The following PHLPP2 variants were observed in gnomAD, a reference collection of about 807,000 sequenced individuals.
The protein encoded by PHLPP2 is PH domain leucine-rich repeat-containing protein phosphatase 2.
PHLPP2 carries 66 observed loss-of-function variants against 124.9 expected under a neutral mutation model. That is an observed-to-expected ratio of 0.53 (90% confidence interval 0.43 to 0.65). PHLPP2 has a LOEUF of 0.65. Among genes scored for constraint, PHLPP2 ranks in the 30% least tolerant of loss-of-function variants. The probability of loss-of-function intolerance (pLI) is 0.00; values close to 1 mark genes in which losing one functional copy is unlikely to be tolerated. For missense variants in PHLPP2, 1,685 were observed against 1,600.4 expected, an observed-to-expected ratio of 1.05 and a Z score of -0.90; for synonymous variants, 681 against 624.7, an observed-to-expected ratio of 1.09 and a Z score of -1.34.
intron 15 of PHLPP2, among the ~76,000 whole-genome samples, chr16:71,658,017 G>C (rs1466510599): frequency 1.3e-5 from 2 of 152,162 alleles, no homozygotes; most frequent in Admixed American, 6.5e-5. Flanking sequence ...CAGTATGTTG[G>C]GGGGTAGTAG....
At chr16:71,656,913 C>G (rs1047756372) in intron 15 of PHLPP2, among the ~76,000 whole-genome samples, 2 of 151,790 alleles carry the variant, frequency 1.3e-5, no homozygotes, top group African/African-American at 4.8e-5. Context: ...CCATGCCCGG[C>G]TAATTTTTGT....
intron 2 of PHLPP2, among the ~76,000 whole-genome samples, chr16:71,709,577 A>T (rs1284553991): frequency 6.6e-6 from 1 of 152,264 alleles, no homozygotes; most frequent in Non-Finnish European, 1.5e-5. Flanking sequence ...TGATTACACT[A>T]AGCTTCACTA....
chr16:71,720,548 C>G (rs1375955760), intron 1 of PHLPP2, among the ~76,000 whole-genome samples: 1 of 152,136 alleles, frequency 6.6e-6, no homozygotes, highest in Non-Finnish European at 1.5e-5. Flanking sequence ...AAGTAACTCT[C>G]CATATTCAGT....
Position 71,649,977 on chromosome 16 carries a change from A to T in PHLPP2, c.2885T>A (p.Ile962Asn). 6.2e-7 allele frequency: 1 copy of T among 1,613,822 alleles called. No individual in the cohort carries two copies. The highest frequency in any genetic ancestry group is 8.5e-7 in the Non-Finnish European group (1 of 1,179,990). Reference sequence around the variant, plus strand: ...GGAAGATATGTGGGGCTTGGGGAGGATCCAAGGGTAGAGGTATGTACAGCC... The same window carrying T: ...GGAAGATATGTGGGGCTTGGGGAGGTTCCAAGGGTAGAGGTATGTACAGCC... ...MLGCTYLYPW[I>N]LPKPHISSTP... Residue 962 changes from isoleucine to asparagine, a missense_variant, in exon 19 of 19, where the codon ATC (isoleucine) becomes AAC (asparagine). Coordinates refer to ENST00000568954, the MANE Select transcript of PHLPP2 (RefSeq NM_015020.3).
At chr16:71,658,516 A>C in intron 14 of PHLPP2, 137 bp downstream of exon 14, 1 of 1,190,096 alleles carries the variant, frequency 8.4e-7, no homozygotes, top group Non-Finnish European at 1.2e-6. Flanking sequence ...TGGAGCACAT[A>C]AGAAGACAAT....
chr16:71,680,728 C>T (rs556100086), intron 6 of PHLPP2, among the ~76,000 whole-genome samples: 1 of 152,266 alleles, frequency 6.6e-6, no homozygotes, highest in East Asian at 1.9e-4. Flanking sequence ...TCCAAATTTT[C>T]AACTTCTGAT....
At chr16:71,703,930 C>T (rs1339029155) in intron 2 of PHLPP2, among the ~76,000 whole-genome samples, 1 of 152,064 alleles carries the variant, frequency 6.6e-6, no homozygotes, top group Non-Finnish European at 1.5e-5. Context: ...GAGTATTTCT[C>T]CCATCTCAAA....
chr16:71,720,632 A>C (rs962631033), intron 1 of PHLPP2, among the ~76,000 whole-genome samples: 5 of 151,996 alleles, frequency 3.3e-5, no homozygotes, highest in African/African-American at 1.2e-4. Context: ...TGGCAGGCTG[A>C]GGCAGGCGGA....
intron 17 of PHLPP2, among the ~76,000 whole-genome samples, chr16:71,654,302 A>G (rs770703498): frequency 4.0e-5 from 6 of 151,278 alleles, no homozygotes; most frequent in Non-Finnish European, 8.8e-5. Flanking sequence ...AGTTGTTCCT[A>G]TCCTTTATCG....
chr16:71,667,211 C>G lies in PHLPP2; in HGVS notation c.1751G>C (p.Arg584Thr). 1 of 1,613,708 alleles carries G rather than the reference C, an allele frequency of 6.2e-7. No homozygotes were observed. Among genetic ancestry groups the G allele is most frequent in the South Asian group, 1.1e-5 (1 of 90,960 alleles). Residue 584 changes from arginine to threonine, a missense_variant, in exon 12 of 19, where the codon AGG becomes ACG. Arg to Thr is a moderately conservative substitution (Grantham distance 71). Transcript: ENST00000568954. ...CTTGGAGAAGAGGGTGTCTGGCAGC[C>G]TCGTGAGTGCATTATGCTGAAGATC... is the stretch of plus-strand genomic sequence containing the variant. The part of the protein sequence containing the change: ...VLDLQHNALT[R>T]LPDTLFSKAL...
chr16:71,662,207 G>A lies in PHLPP2; in HGVS notation c.1985+1692C>T, dbSNP rs1204064124. Among the ~76,000 whole-genome samples the A allele has an allele frequency of 3.3e-5, 5 of 151,194 alleles. No homozygotes were observed. In the East Asian group the frequency reaches 6.1e-4, roughly 18 times the overall value. On this transcript the variant is annotated intron_variant, in intron 13 of 18. Coordinates refer to ENST00000568954, the MANE Select transcript of PHLPP2 (RefSeq NM_015020.3). ...AGTACTTTGGGGGGCCAAGGTGGGC[G>A]GATCACGAGGCCAGGAGTTCGAGAC...
At chr16:71,692,563 G>T (rs1443396793) in intron 3 of PHLPP2, among the ~76,000 whole-genome samples, 2 of 152,080 alleles carry the variant, frequency 1.3e-5, no homozygotes, top group East Asian at 3.8e-4. Flanking sequence ...CACTATACAG[G>T]ATAAGCATTT....
chr16:71,714,784 A>G lies in PHLPP2; in HGVS notation c.12T>C (p.Asn4=). The G allele has an allele frequency of 6.2e-7, 1 of 1,611,324 alleles. No individual in the cohort carries two copies. The highest frequency in any genetic ancestry group is 8.5e-7 in the Non-Finnish European group (1 of 1,178,620). The part of the protein sequence containing the change: MKR[N]GSRNCLNRRS... Reference sequence around the variant, plus strand: ...TCCTATTCAAACAATTTCTGCTCCCATTGCGTTTCATATTTCTCTAAAAAA... The same window carrying G: ...TCCTATTCAAACAATTTCTGCTCCCGTTGCGTTTCATATTTCTCTAAAAAA... The change falls in exon 2 of 19, where the codon AAT becomes AAC. Residue 4 remains asparagine (N), a synonymous_variant. Transcript: ENST00000568954.
At chr16:71,651,018 T>G (rs2044692096) in intron 18 of PHLPP2, among the ~76,000 whole-genome samples, 1 of 152,178 alleles carries the variant, frequency 6.6e-6, no homozygotes, top group Non-Finnish European at 1.5e-5. Flanking sequence ...TAAAAATACT[T>G]CCTACTTGTC....
intron 18 of PHLPP2, 28 bp downstream of exon 18, chr16:71,652,762 G>C: frequency 6.5e-7 from 1 of 1,538,392 alleles, no homozygotes; most frequent in Non-Finnish European, 9.0e-7. Flanking sequence ...TTGGGGAGCA[G>C]AAGTGACTGG....
chr16:71,668,604 A>C, intron 11 of PHLPP2, among the ~76,000 whole-genome samples: 1 of 151,992 alleles, frequency 6.6e-6, no homozygotes, highest in Non-Finnish European at 1.5e-5. Flanking sequence ...TCTACTAAAA[A>C]TACAAAAATT....
rs1270254766 is a variant in PHLPP2 at position 71,647,415 on chromosome 16, T to G, written c.*1475A>C. On this transcript the variant is annotated 3_prime_UTR_variant, in exon 19 of 19. Transcript: ENST00000568954. The stretch of plus-strand genomic sequence containing the variant: ...ACCACATAAAGTGAATATGCAGTTT[T>G]CAGAAGAGTACACTGTTCAACATTC... 1 of 152,602 alleles carries G rather than the reference T, an allele frequency of 6.6e-6. No individual in the cohort carries two copies. The highest frequency in any genetic ancestry group is 1.5e-5 in the Non-Finnish European group (1 of 68,024). The allele number at this position is 152,602 out of a possible 1,614,324, so 9.5% of individuals were successfully genotyped here. A position where few individuals can be genotyped will look rare whatever the true frequency, so the allele number is the denominator to read the frequency against.
At chr16:71,666,382 G>A (rs1016942728) in intron 12 of PHLPP2, among the ~76,000 whole-genome samples, 4 of 152,112 alleles carry the variant, frequency 2.6e-5, no homozygotes, top group African/African-American at 9.7e-5. Context: ...GTGTGGTGGT[G>A]CATCCCTGTG....
At chr16:71,722,189 C>A (rs1353430222) in intron 1 of PHLPP2, among the ~76,000 whole-genome samples, 1 of 151,964 alleles carries the variant, frequency 6.6e-6, no homozygotes. Context: ...TCCAACACTT[C>A]GGGAGGCCAA....
Sources: gnomAD v4.1 joint callset for allele counts (sites outside exome capture counted in the v4.1 genomes callset) on GRCh38, gnomAD v4.1.1 for gene constraint, MANE v1.5 for transcripts, NCBI Gene and HGNC (gene_info 2026-07-23, HGNC 2026-07-21) for gene names.